Variants in DRC3 observed in about 807,000 individuals in gnomAD.
The protein encoded by DRC3 is dynein regulatory complex subunit 3.
A neutral mutation model predicts 57.6 loss-of-function variants in DRC3; 45 were observed. That is an observed-to-expected ratio of 0.78 (90% CI 0.62 to 1.00). DRC3 has a LOEUF of 1.00. Ranked by LOEUF, DRC3 falls within the 50% of genes least tolerant of loss-of-function variation. DRC3 has a pLI of 0.00. For missense variants in DRC3, 655 were observed against 675.2 expected (o/e 0.97, Z 0.33); for synonymous variants, 257 against 272.3 (o/e 0.94, Z 0.55).
At chr17:17,987,899 C>T (rs2043036276) in intron 4 of DRC3, 33 bp from the exon 5 acceptor site, 1 of 1,607,878 alleles carries the variant, frequency 6.2e-7, no homozygotes, top group African/African-American at 1.3e-5. Flanking sequence ...CTGACCCAGG[C>T]AGCAGACCCT....
rs542522530 is a variant in DRC3 at position 17,988,149 on chromosome 17, G to A, written c.444+51G>A. The A allele has an allele frequency of 9.4e-5, 148 of 1,566,618 alleles. No individual in the cohort carries two copies. In the Middle Eastern group the frequency reaches 1.0e-3, roughly 11 times the overall value. ...ACGCACACCTGCAGAGCCTTGGAGC[G>A]CCGTGGGTTGAGTGGGGGTCTGTGG... On this transcript the variant is annotated intron_variant, in intron 5 of 13. Coordinates refer to ENST00000399187, the MANE Select transcript of DRC3 (RefSeq NM_031294.4).
At chr17:18,007,185 G>T in intron 12 of DRC3, 38 bp downstream of exon 12, 1 of 1,095,470 alleles carries the variant, frequency 9.1e-7, no homozygotes, top group Non-Finnish European at 1.3e-6. Flanking sequence ...GACAGATGTG[G>T]TCCAGCCCAG....
chr17:18,001,904 T>G (rs533335544), intron 9 of DRC3, among the ~76,000 whole-genome samples: 4 of 152,320 alleles, frequency 2.6e-5, no homozygotes, highest in Admixed American at 2.6e-4. Flanking sequence ...CAGTGGCTTA[T>G]GCATGTAATC....
chr17:17,985,799 A>G (rs888979734), intron 4 of DRC3, among the ~76,000 whole-genome samples: 2 of 152,030 alleles, frequency 1.3e-5, no homozygotes, highest in African/African-American at 4.8e-5. Flanking sequence ...CAAGAACAGA[A>G]CCCAGTGGCA....
intron 3 of DRC3, chr17:17,978,060 A>C: frequency 4.3e-6 from 1 of 233,134 alleles, no homozygotes. Context: ...CCATCACACA[A>C]CTCCACATGG....
At position 18,006,786 on chromosome 17, in the gene DRC3, C is replaced by G. The variant is rs1372864781; in HGVS notation, c.1203-238C>G. 5 of 521,964 alleles carry G rather than the reference C, an allele frequency of 9.6e-6. No homozygotes were observed. In the East Asian group the frequency reaches 1.5e-4, roughly 16 times the overall value. The allele number at this position is 521,964 out of a possible 1,614,324, so 32.3% of individuals were successfully genotyped here. The stretch of plus-strand genomic sequence containing the variant: ...AAGCAGTTAACCCAGAGGCCAGGAG[C>G]CTCCATGCAGGAGGGAGAGAAGAGT... On this transcript the variant is annotated intron_variant, in intron 11 of 13. Transcript: ENST00000399187.
At chr17:18,004,588 G>A in intron 10 of DRC3, 94 bp downstream of exon 10, 1 of 1,434,610 alleles carries the variant, frequency 7.0e-7, no homozygotes, top group Non-Finnish European at 9.5e-7. Context: ...GCCTCTGCTG[G>A]AAACGTCCAG....
At chr17:18,004,063 A>C (rs766111820) in intron 9 of DRC3, among the ~76,000 whole-genome samples, 18 of 152,068 alleles carry the variant, frequency 1.2e-4, no homozygotes, top group Non-Finnish European at 2.6e-4. Context: ...ACCAGCCTCT[A>C]ATAAAAACCT....
In DRC3 at chr17:17,994,415, C is replaced by A. The variant is rs889301896; in HGVS notation, c.708C>A (p.His236Gln). ...CGCAGCGGGAGGAGCTAGAGAAGCA[C>A]AAGGTACCGTTCCGGCAGGCTGCAC... ...EQAQREELEK[H>Q]KTAFVEHLNG... Residue 236 changes from histidine (H) to glutamine (Q), a missense_variant, in exon 7 of 14, where the codon CAC (histidine) becomes CAA (glutamine). Coordinates refer to ENST00000399187, the MANE Select transcript of DRC3 (RefSeq NM_031294.4). 5 of 1,552,052 alleles carry A rather than the reference C, an allele frequency of 3.2e-6. No individual in the cohort carries two copies. The highest frequency in any genetic ancestry group is 2.4e-5 in the South Asian group (2 of 84,078).
intron 3 of DRC3, among the ~76,000 whole-genome samples, chr17:17,983,372 C>T (rs143354989): frequency 6.6e-6 from 1 of 152,240 alleles, no homozygotes; most frequent in African/African-American, 2.4e-5. Context: ...AAACAGTGCT[C>T]CAAAAAGGCT....
chr17:18,004,496 T>C lies in DRC3; in HGVS notation c.1131+2T>C, dbSNP rs1302432229. 4.3e-6 allele frequency: 7 copies of C among 1,609,470 alleles called. No homozygotes were observed. Among genetic ancestry groups the C allele is most frequent in the African/African-American group, 1.3e-5 (1 of 74,842 alleles). On this transcript the variant is annotated splice_donor_variant, in intron 10 of 13. Coordinates refer to ENST00000399187, the MANE Select transcript of DRC3 (RefSeq NM_031294.4). LOFTEE classifies it high-confidence loss of function. ...ATGCAGCTGGTGGAGCAGCTGGAGGTAAGGCTGGGCCCTGGGCACAAGTGC... is the reference window on the plus strand; with the variant it reads ...ATGCAGCTGGTGGAGCAGCTGGAGGCAAGGCTGGGCCCTGGGCACAAGTGC...
chr17:18,007,208 AC>A, intron 12 of DRC3, 61 bp downstream of exon 12: 1 of 1,055,970 alleles, frequency 9.5e-7, no homozygotes, highest in Non-Finnish European at 1.4e-6. Flanking sequence ...CTGTGGCTGG[AC>A]TGAGGCTCTG....
chr17:18,008,475 T>C lies in DRC3; in HGVS notation c.1326+1328T>C, dbSNP rs939098361. ...TGTACCCCCTCAGTACCAGCAACAG[T>C]GTACAACATGCAGCACAGATGCCAG... is the stretch of plus-strand genomic sequence containing the variant. On this transcript the variant is annotated intron_variant, in intron 12 of 13. Coordinates refer to ENST00000399187, the MANE Select transcript of DRC3 (RefSeq NM_031294.4). The surrounding 1 kb of genome is among the most constrained non-coding windows in gnomAD (Gnocchi z 4.3). 6.6e-6 allele frequency among the ~76,000 whole-genome samples: 1 copy of C among 152,148 alleles called. No homozygotes were observed. The highest frequency in any genetic ancestry group is 1.5e-5 in the Non-Finnish European group (1 of 68,034).
chr17:17,977,186 G>A (rs1266204126), intron 2 of DRC3, among the ~76,000 whole-genome samples: 1 of 152,200 alleles, frequency 6.6e-6, no homozygotes, highest in Non-Finnish European at 1.5e-5. Context: ...GGCTGCCCAG[G>A]GAGCACAGTC....
intron 2 of DRC3, among the ~76,000 whole-genome samples, chr17:17,977,099 G>A (rs759041999): frequency 4.3e-4 from 65 of 152,178 alleles, no homozygotes; most frequent in Non-Finnish European, 7.9e-4. Flanking sequence ...GGTGTGGTGT[G>A]GGGCATACAC....
rs778711480 is a variant in DRC3, at chr17:17,995,015, A to G, written c.728A>G (p.His243Arg). The G allele has an allele frequency of 6.2e-7, 1 of 1,613,898 alleles. No individual in the cohort carries two copies. The highest frequency in any genetic ancestry group is 8.5e-7 in the Non-Finnish European group (1 of 1,179,816). The part of the protein sequence containing the change: ...LEKHKTAFVE[H>R]LNGSFLFDSM... ...TGCCTGCAGACTGCGTTTGTGGAAC[A>G]CCTGAATGGCTCCTTCCTGTTTGAC... The change falls in exon 8 of 14, where the codon CAC (histidine) becomes CGC (arginine). Residue 243 changes from histidine to arginine, a missense_variant. By Grantham distance (29) the His-to-Arg change is conservative. Transcript: ENST00000399187.
intron 13 of DRC3, 49 bp downstream of exon 13, chr17:18,016,244 T>C (rs752836364): frequency 1.3e-6 from 2 of 1,596,486 alleles, no homozygotes; most frequent in Non-Finnish European, 1.7e-6. Flanking sequence ...CTTTTCTAGC[T>C]GACATGGAAA....
chr17:17,991,851 G>C (rs1344765912), intron 5 of DRC3, among the ~76,000 whole-genome samples: 4 of 152,140 alleles, frequency 2.6e-5, no homozygotes, highest in Non-Finnish European at 4.4e-5. Flanking sequence ...ATCTACAAAG[G>C]CATGCCTGGC....
chr17:17,986,203 C>T (rs992799501), intron 4 of DRC3, among the ~76,000 whole-genome samples: 1 of 152,228 alleles, frequency 6.6e-6, no homozygotes, highest in African/African-American at 2.4e-5. Flanking sequence ...TGAGCCACTG[C>T]ACCTGGCCCG....
Sources: allele counts gnomAD v4.1 joint callset (sites outside exome capture counted in the v4.1 genomes callset), GRCh38; gene constraint gnomAD v4.1.1; non-coding constraint Gnocchi (gnomAD v3.1); transcripts MANE v1.5; gene names NCBI Gene and HGNC (gene_info 2026-07-23, HGNC 2026-07-21).